The following SLC19A1 variants were observed in gnomAD, a reference collection of about 807,000 sequenced individuals.
SLC19A1 encodes the protein solute carrier family 19 member 1.
Under a neutral mutation model 35.3 loss-of-function variants are expected in SLC19A1, and 37 were observed. The ratio of observed to expected loss-of-function variants is 1.05; its 90% confidence interval spans 0.81 to 1.38. SLC19A1 has a LOEUF of 1.38. Ranked by LOEUF, SLC19A1 falls within the 40% of genes most tolerant of loss-of-function variation. SLC19A1 has a pLI of 0.00. For synonymous variants in SLC19A1, 460 were observed against 398.5 expected (o/e 1.15, Z -1.84); for missense variants, 831 against 826.9 (o/e 1.00, Z -0.06).
Position 45,504,641 on chromosome 21 carries a change from A to T in SLC19A1, c.498-6029T>A, listed in dbSNP as rs566042219. The T allele has an allele frequency of 6.9e-5, 86 of 1,242,192 alleles. No homozygotes were observed. In the South Asian group the frequency reaches 1.1e-3, roughly 16 times the overall value. The allele number at this position is 1,242,192 out of a possible 1,614,324, so 76.9% of individuals were successfully genotyped here. ...GGGCAGGTCCAGCCCGGCCTTCGACACCCGCGAAGGCCGGAGCTGCCCCTG... is the reference window on the plus strand; with the variant it reads ...GGGCAGGTCCAGCCCGGCCTTCGACTCCCGCGAAGGCCGGAGCTGCCCCTG... On this transcript the variant is annotated intron_variant, in intron 3 of 4. Transcript: ENST00000417954.
At chr21:45,541,416 C>T (rs1451356324) in intron 1 of SLC19A1, among the ~76,000 whole-genome samples, 2 of 152,248 alleles carry the variant, frequency 1.3e-5, no homozygotes, top group African/African-American at 4.8e-5. Flanking sequence ...CACCTCTTTA[C>T]AGGGCGGCCA....
intron 2 of SLC19A1, chr21:45,536,032 C>T (rs2078101243): frequency 3.1e-6 from 1 of 324,902 alleles, no homozygotes; most frequent in Non-Finnish European, 4.6e-6. Flanking sequence ...GTGCCTGCTC[C>T]CGCGTGAAGT....
chr21:45,516,899 C>G (rs145839957), intron 5 of SLC19A1, among the ~76,000 whole-genome samples: 1 of 152,352 alleles, frequency 6.6e-6, no homozygotes, highest in Non-Finnish European at 1.5e-5. Flanking sequence ...CACCGGCACC[C>G]TTCCAGGACA....
At position 45,533,386 on chromosome 21, in the gene SLC19A1, G is replaced by A. The variant is rs2078000893; in HGVS notation, c.190-1238C>T. On this transcript the variant is annotated intron_variant, in intron 2 of 5. Transcript: ENST00000311124. This position sits in a 1 kb window ranked among gnomAD's most constrained non-coding sequence, Gnocchi z 4.5. ...GCACCAAACGTCCTCAGCTGTCTTG[G>A]CAGGGGCCAGGGCTGCTGTGGGCAC... Among the ~76,000 whole-genome samples the A allele has an allele frequency of 1.3e-5, 2 of 152,190 alleles. No homozygotes were observed. Among genetic ancestry groups the A allele is most frequent in the Admixed American group, 1.3e-4 (2 of 15,288 alleles).
intron 1 of SLC19A1, among the ~76,000 whole-genome samples, chr21:45,560,679 C>A (rs536547861): frequency 4.6e-5 from 7 of 152,338 alleles, no homozygotes; most frequent in African/African-American, 1.7e-4. Flanking sequence ...ATTTGAAGGA[C>A]CAAGAAGAGG....
chr21:45,510,795 T>C (rs77951565), downstream of SLC19A1, among the ~76,000 whole-genome samples: 1,899 of 152,162 alleles, frequency 0.012, 27 homozygotes, highest in East Asian at 0.035. Flanking sequence ...CAGGCGGCTG[T>C]GGCCTGGCGT....
In SLC19A1 at chr21:45,517,290, C is replaced by T. The variant is rs2038004575; in HGVS notation, c.1294-1150G>A. On this transcript the variant is annotated intron_variant, in intron 5 of 5. Transcript: ENST00000311124. The surrounding 1 kb of genome is among the most constrained non-coding windows in gnomAD (Gnocchi z 4.4). ...AGGGTCAGCCCAACATGAGGAAAGA[C>T]CTTTCGACAGGAATCGCCCTGCTCC... Among the ~76,000 whole-genome samples, 1 of 152,158 alleles carries T rather than the reference C, an allele frequency of 6.6e-6. No homozygotes were observed. Among genetic ancestry groups the T allele is most frequent in the South Asian group, 2.1e-4 (1 of 4,834 alleles).
chr21:45,514,064 G>GAGGC lies in SLC19A1; in HGVS notation c.*1590_*1593dup, dbSNP rs201047436. 3.9e-3 allele frequency: 593 copies of GAGGC among 152,658 alleles called. 2 individuals are homozygous for GAGGC. The highest frequency in any genetic ancestry group is 6.0e-3 in the Non-Finnish European group (409 of 68,264). The allele number at this position is 152,658 out of a possible 1,614,324, so 9.5% of individuals were successfully genotyped here. ...GGTGGACGGGTGAGTGCAGGACTCA[G>GAGGC]AGGCAGGCAGGCAGTGGGTGCAGTG... is the stretch of plus-strand genomic sequence containing the variant. On this transcript the variant is annotated 3_prime_UTR_variant, in exon 6 of 6. Coordinates refer to ENST00000311124, the MANE Select transcript of SLC19A1 (RefSeq NM_194255.4).
At chr21:45,509,904 G>C (rs1568951923), downstream of SLC19A1, among the ~76,000 whole-genome samples, 1 of 152,178 alleles carries the variant, frequency 6.6e-6, no homozygotes, top group African/African-American at 2.4e-5. Context: ...GCGTATGGGG[G>C]CTGCTGCCTG....
At chr21:45,510,404 C>G (rs1237321304), downstream of SLC19A1, 1 of 969,642 alleles carries the variant, frequency 1.0e-6, no homozygotes, top group East Asian at 2.6e-5. Context: ...GACTTCAGGG[C>G]AGGCTCCGGG....
intron 2 of SLC19A1, among the ~76,000 whole-genome samples, chr21:45,535,235 C>G (rs968931223): frequency 6.6e-6 from 1 of 152,210 alleles, no homozygotes. Context: ...CCAGCGGGGG[C>G]CCAGGCAACC....
At chr21:45,516,701 CA>C in intron 5 of SLC19A1, among the ~76,000 whole-genome samples, 1 of 152,310 alleles carries the variant, frequency 6.6e-6, no homozygotes, top group South Asian at 2.1e-4. Flanking sequence ...TCGCAGCTGC[CA>C]GGGGCAGGAG....
rs532927361 is a variant in SLC19A1 at position 45,504,726 on chromosome 21, G to A, written c.498-6114C>T. Among the ~76,000 whole-genome samples, 132 of 152,114 alleles carry A rather than the reference G, an allele frequency of 8.7e-4. 1 individual carries two copies. Among genetic ancestry groups the A allele is most frequent in the African/African-American group, 3.1e-3 (128 of 41,492 alleles). On this transcript the variant is annotated intron_variant, in intron 3 of 4. Coordinates refer to the SLC19A1 transcript ENST00000417954. ...TGTGGGGACGCAGCAGGCCACATGG[G>A]TGTGGGTGCACTGACCCCGGACACC...
intron 2 of SLC19A1, 61 bp from the exon 3 acceptor site, chr21:45,532,209 C>G (rs2077956366): frequency 7.0e-7 from 1 of 1,420,664 alleles, no homozygotes; most frequent in African/African-American, 1.4e-5. Flanking sequence ...GCGGCAGACA[C>G]AGCCCGCCCG....
intron 1 of SLC19A1, among the ~76,000 whole-genome samples, chr21:45,562,137 A>G (rs1032651127): frequency 1.3e-5 from 2 of 151,818 alleles, no homozygotes; most frequent in Admixed American, 6.6e-5. Context: ...CTCAAAAAAA[A>G]AAAAAAAAAA....
chr21:45,531,365 C>T, intron 3 of SLC19A1, 24 bp downstream of exon 3: 1 of 1,544,518 alleles, frequency 6.5e-7, no homozygotes, highest in South Asian at 1.3e-5. Flanking sequence ...CGGGAAGAAG[C>T]CTCGGGGACC....
At chr21:45,512,292 C>T (rs1207411101), downstream of SLC19A1, 3 of 1,612,220 alleles carry the variant, frequency 1.9e-6, no homozygotes, top group African/African-American at 1.3e-5. Context: ...ACGGGCCAGG[C>T]CTCCTCGCTG....
Position 45,556,397 on chromosome 21 carries a change from G to A in SLC19A1, c.-50+6345C>T, listed in dbSNP as rs895931609. ...AGCCAGACCCGCTCGTCAGCAGCTC[G>A]GCCTCCCCCGCTGCTCCCCACCAGC... On this transcript the variant is annotated intron_variant, in intron 1 of 5. Transcript: ENST00000650808. Among the ~76,000 whole-genome samples, 17 of 152,360 alleles carry A rather than the reference G, an allele frequency of 1.1e-4. No individual in the cohort carries two copies. In the South Asian group the frequency reaches 1.7e-3, roughly 15 times the overall value.
Position 45,514,015 on chromosome 21 carries a change from C to T in SLC19A1, c.*1643G>A, listed in dbSNP as rs186753405. On this transcript the variant is annotated 3_prime_UTR_variant, in exon 6 of 6. Coordinates refer to ENST00000311124, the MANE Select transcript of SLC19A1 (RefSeq NM_194255.4). ...ACCTGACTTGCTCCCAGCAACACTA[C>T]ATCCTGACAGCCATCCCTGTCCTGG... 1 of 152,556 alleles carries T rather than the reference C, an allele frequency of 6.6e-6. No individual in the cohort carries two copies. The highest frequency in any genetic ancestry group is 1.9e-4 in the East Asian group (1 of 5,186). 9.5% of individuals were successfully genotyped at this position (152,556 alleles called of 1,614,324 possible). A position where few individuals can be genotyped will look rare whatever the true frequency, so the allele number is the denominator to read the frequency against.
Sources: allele counts gnomAD v4.1 joint callset (sites outside exome capture counted in the v4.1 genomes callset), GRCh38; gene constraint gnomAD v4.1.1; non-coding constraint Gnocchi (gnomAD v3.1); transcripts MANE v1.5; gene names NCBI Gene and HGNC (gene_info 2026-07-23, HGNC 2026-07-21).